RPRD2: variants seen among roughly 807,000 people sequenced by gnomAD.
RPRD2 encodes the protein regulation of nuclear pre-mRNA domain containing 2.
In RPRD2, 12 loss-of-function variants were observed where a neutral mutation model predicts 104.4. The observed-to-expected ratio is 0.11, with a 90% CI of 0.07 to 0.19. RPRD2 has a LOEUF of 0.19. RPRD2 is among the 10% of genes least tolerant of loss of function. RPRD2 has a pLI of 1.00. For missense variants in RPRD2, 1,543 were observed against 1,790.1 expected (o/e 0.86, Z 2.49); for synonymous variants, 714 against 684.9 (o/e 1.04, Z -0.66).
At chr1:150,385,111 A>G (rs1553881597) in intron 1 of RPRD2, among the ~76,000 whole-genome samples, 2 of 152,318 alleles carry the variant, frequency 1.3e-5, no homozygotes, top group East Asian at 3.9e-4. Flanking sequence ...TTGTAATACT[A>G]GTATTAATAT....
chr1:150,364,796 G>A lies in RPRD2; in HGVS notation c.82G>A (p.Asp28Asn). ...GGCAGGGGCTCTGGAGTCCTCGTTG[G>A]ATCGAAAATTCCAGTCGGTAACCAA... The part of the protein sequence containing the change: ...SSAGALESSL[D>N]RKFQSVTNTM... Residue 28 changes from aspartate to asparagine, a missense_variant, in exon 1 of 11, where the codon GAT becomes AAT. This residue lies in a region of RPRD2 where 88 missense variants were observed against 96.6 expected (regional missense o/e 0.91). Coordinates refer to ENST00000369068, the MANE Select transcript of RPRD2 (RefSeq NM_015203.5). 6.2e-7 allele frequency: 1 copy of A among 1,613,696 alleles called. No homozygotes were observed. Among genetic ancestry groups the A allele is most frequent in the Non-Finnish European group, 8.5e-7 (1 of 1,179,768 alleles).
intron 1 of RPRD2, among the ~76,000 whole-genome samples, chr1:150,381,851 T>C (rs1460300891): frequency 1.3e-5 from 2 of 152,140 alleles, no homozygotes; most frequent in East Asian, 1.9e-4. Context: ...GGAGACATAC[T>C]GTATTGTACT....
chr1:150,449,588 T>C (rs1667018729), intron 7 of RPRD2, among the ~76,000 whole-genome samples: 1 of 152,068 alleles, frequency 6.6e-6, no homozygotes, highest in African/African-American at 2.4e-5. Flanking sequence ...TCCTTCCTTC[T>C]TTCTCCCTCC....
chr1:150,469,407 G>C (rs1438436491), intron 10 of RPRD2, among the ~76,000 whole-genome samples: 1 of 152,142 alleles, frequency 6.6e-6, no homozygotes, highest in Non-Finnish European at 1.5e-5. Flanking sequence ...CTCCTGAGTA[G>C]CTAGGACTAC....
intron 2 of RPRD2, 80 bp from the exon 3 acceptor site, chr1:150,440,843 G>T (rs1004228621): frequency 2.8e-6 from 2 of 719,684 alleles, no homozygotes; most frequent in African/African-American, 1.9e-5. Context: ...TAATTTTATT[G>T]ATAACTTTAT....
intron 1 of RPRD2, among the ~76,000 whole-genome samples, chr1:150,367,296 G>GT (rs1184950178): frequency 2.0e-5 from 3 of 152,194 alleles, no homozygotes; most frequent in Non-Finnish European, 4.4e-5. Context: ...AATGAAAACA[G>GT]TTTATGCATG....
chr1:150,430,219 A>G (rs1665458548), intron 2 of RPRD2, among the ~76,000 whole-genome samples: 1 of 152,242 alleles, frequency 6.6e-6, no homozygotes, highest in East Asian at 1.9e-4. Flanking sequence ...TGTATATGAA[A>G]TGTTAGAGGA....
At chr1:150,416,990 C>G (rs764004757) in intron 1 of RPRD2, among the ~76,000 whole-genome samples, 17 of 152,098 alleles carry the variant, frequency 1.1e-4, no homozygotes, top group Non-Finnish European at 1.5e-4. Context: ...GCAGAGCCTC[C>G]CTCCAGTAGA....
At chr1:150,371,041 A>G (rs1276313938) in intron 1 of RPRD2, among the ~76,000 whole-genome samples, 1 of 152,120 alleles carries the variant, frequency 6.6e-6, no homozygotes, top group Non-Finnish European at 1.5e-5. Flanking sequence ...TCTCAATGCA[A>G]GCTGGTATGT....
At chr1:150,390,631 G>A (rs1661996247) in intron 1 of RPRD2, among the ~76,000 whole-genome samples, 2 of 152,122 alleles carry the variant, frequency 1.3e-5, no homozygotes. Context: ...AGAAATGTTA[G>A]AAATAAAAGT....
intron 1 of RPRD2, among the ~76,000 whole-genome samples, chr1:150,381,642 C>T (rs1553880817): frequency 6.6e-6 from 1 of 151,696 alleles, no homozygotes; most frequent in Non-Finnish European, 1.5e-5. Flanking sequence ...GTAGCTGAGA[C>T]TACAGGCGCC....
intron 1 of RPRD2, among the ~76,000 whole-genome samples, chr1:150,396,198 G>GTT (rs34604351): frequency 1.1e-3 from 153 of 134,064 alleles, no homozygotes; most frequent in African/African-American, 3.6e-3. Context: ...TCGTCTGTGT[G>GTT]TTTTTTTTTT....
chr1:150,465,224 A>G (rs1415775981), intron 10 of RPRD2, among the ~76,000 whole-genome samples: 1 of 151,568 alleles, frequency 6.6e-6, no homozygotes, highest in Non-Finnish European at 1.5e-5. Flanking sequence ...ATCTCAGCTC[A>G]CTGCAACCTC....
Position 150,473,039 on chromosome 1 carries a change from G to C in RPRD2, c.4091G>C (p.Arg1364Pro). The change falls in exon 11 of 11, where the codon CGT (arginine) becomes CCT (proline). Residue 1364 changes from arginine (R) to proline (P), a missense_variant. Physicochemically the swap from Arg to Pro is moderately radical, Grantham distance 103 (BLOSUM62 -2). This residue lies in a region of RPRD2 where 880 missense variants were observed against 885.6 expected (regional missense o/e 0.99). Coordinates refer to ENST00000369068, the MANE Select transcript of RPRD2 (RefSeq NM_015203.5). ...QRDLNGPGLS[R>P]VRESLTLPSH... ...GACCTCAACGGCCCTGGCCTTAGCC[G>C]TGTACGAGAGAGCCTCACCCTACCC... 1 of 1,613,998 alleles carries C rather than the reference G, an allele frequency of 6.2e-7. No homozygotes were observed. Among genetic ancestry groups the C allele is most frequent in the Non-Finnish European group, 8.5e-7 (1 of 1,179,896 alleles).
intron 1 of RPRD2, among the ~76,000 whole-genome samples, chr1:150,407,720 A>C (rs1663585706): frequency 6.6e-6 from 1 of 152,168 alleles, no homozygotes; most frequent in African/African-American, 2.4e-5. Context: ...AAGTTGGGAG[A>C]TTTATCTTTT....
chr1:150,386,196 A>C (rs1465046794), intron 1 of RPRD2, among the ~76,000 whole-genome samples: 1 of 151,714 alleles, frequency 6.6e-6, no homozygotes, highest in Non-Finnish European at 1.5e-5. Flanking sequence ...CTGGTCTCGA[A>C]CTCCTGGGTT....
At chr1:150,391,444 A>G (rs972633385) in intron 1 of RPRD2, among the ~76,000 whole-genome samples, 7 of 152,120 alleles carry the variant, frequency 4.6e-5, no homozygotes, top group Non-Finnish European at 8.8e-5. Flanking sequence ...GTGAGCCACC[A>G]CACTGGCCCA....
intron 2 of RPRD2, among the ~76,000 whole-genome samples, chr1:150,418,072 A>G (rs187084385): frequency 4.6e-5 from 7 of 152,022 alleles, no homozygotes; most frequent in East Asian, 1.9e-4. Context: ...GGTTCAAGCA[A>G]TTCTCTTGCC....
Position 150,418,193 on chromosome 1 carries a change from T to C in RPRD2, c.335+468T>C, listed in dbSNP as rs191484807. On this transcript the variant is annotated intron_variant, in intron 2 of 10. Coordinates refer to ENST00000369068, the MANE Select transcript of RPRD2 (RefSeq NM_015203.5). ...CATGTTAGCCAAGATGGTCTTAATC[T>C]CCTGACCTCATGATCCACCTGCTTC... 1.6e-4 allele frequency among the ~76,000 whole-genome samples: 25 copies of C among 152,234 alleles called. No individual in the cohort carries two copies. In the East Asian group the frequency reaches 4.8e-3, roughly 29 times the overall value.
Sources: allele counts gnomAD v4.1 joint callset (sites outside exome capture counted in the v4.1 genomes callset), GRCh38; gene constraint gnomAD v4.1.1; regional missense constraint gnomAD v4.1.1; transcripts MANE v1.5; gene names NCBI Gene and HGNC (gene_info 2026-07-23, HGNC 2026-07-21).